The following TUFT1 variants were observed in gnomAD, a reference collection of about 807,000 sequenced individuals.
The protein encoded by TUFT1 is tuftelin 1.
In TUFT1, 43 loss-of-function variants were observed where a neutral mutation model predicts 57.8. That is an observed-to-expected ratio of 0.74 (90% CI 0.58 to 0.96). TUFT1 has a LOEUF of 0.96. Among genes scored for constraint, TUFT1 ranks in the 40% least tolerant of loss-of-function variants. The pLI, the probability that TUFT1 is intolerant of heterozygous loss-of-function variation, is 0.00. For synonymous variants in TUFT1, 166 were observed against 176.7 expected (o/e 0.94, Z 0.48); for missense variants, 459 against 489.0 (o/e 0.94, Z 0.58).
chr1:151,540,342 G>C lies in TUFT1; in HGVS notation c.-25G>C, dbSNP rs748417526. 3 of 1,614,026 alleles carry C rather than the reference G, an allele frequency of 1.9e-6. No homozygotes were observed. The highest frequency in any genetic ancestry group is 2.5e-6 in the Non-Finnish European group (3 of 1,179,940). On this transcript the variant is annotated 5_prime_UTR_variant, in exon 1 of 13. Transcript: ENST00000368849. The stretch of plus-strand genomic sequence containing the variant: ...CCAGACAGCGGGGTGGACAAGTGGC[G>C]TGTGTGCTGCGACCCCGAGGGAAGA...
rs374640855 is a variant in TUFT1, at chr1:151,581,750, C to T, written c.*43C>T. 10 of 1,605,784 alleles carry T rather than the reference C, an allele frequency of 6.2e-6. No homozygotes were observed. Among genetic ancestry groups the T allele is most frequent in the East Asian group, 2.2e-5 (1 of 44,862 alleles). On this transcript the variant is annotated 3_prime_UTR_variant, in exon 13 of 13. Transcript: ENST00000368849. ...GCTGCCATTGCTGCTGCCTCTGCCT[C>T]GGAGAAGCCCACTGCCCCTGTTGGC...
At chr1:151,565,974 C>T in intron 5 of TUFT1, 189 bp from the exon 6 acceptor site, 2 of 483,086 alleles carry the variant, frequency 4.1e-6, no homozygotes, top group Non-Finnish European at 3.8e-6. Context: ...TTCCTTCTTC[C>T]TCTTCTCCTT....
At chr1:151,567,621 C>T (rs1212286629) in intron 6 of TUFT1, among the ~76,000 whole-genome samples, 3 of 152,160 alleles carry the variant, frequency 2.0e-5, no homozygotes, top group African/African-American at 7.2e-5. Context: ...TCTTGGCTCG[C>T]TGCAACCTCC....
intron 6 of TUFT1, 119 bp downstream of exon 6, chr1:151,566,347 A>G (rs1666079611): frequency 2.5e-6 from 2 of 784,700 alleles, no homozygotes; most frequent in Non-Finnish European, 4.1e-6. Context: ...CAAGAGTAGT[A>G]GTTGACATAA....
intron 12 of TUFT1, 39 bp downstream of exon 12, chr1:151,581,081 A>T: frequency 1.3e-6 from 2 of 1,568,920 alleles, no homozygotes; most frequent in Non-Finnish European, 1.8e-6. Flanking sequence ...GCCAGGGAGG[A>T]GGGGAGAAGG....
At chr1:151,541,555 T>A (rs1665167704) in intron 1 of TUFT1, among the ~76,000 whole-genome samples, 1 of 152,218 alleles carries the variant, frequency 6.6e-6, no homozygotes, top group African/African-American at 2.4e-5. Flanking sequence ...GCCTGCCTCA[T>A]CCTGCTCTTG....
intron 6 of TUFT1, among the ~76,000 whole-genome samples, chr1:151,566,915 CTGAT>C (rs1005301055): frequency 1.3e-4 from 19 of 151,862 alleles, no homozygotes; most frequent in African/African-American, 2.4e-4. Context: ...GATTGATTGA[CTGAT>C]TGATTGATTG....
At chr1:151,543,327 ATGTGTGTGTGTGTGTG>A (rs10626781) in intron 1 of TUFT1, among the ~76,000 whole-genome samples, 2 of 146,752 alleles carry the variant, frequency 1.4e-5, no homozygotes, top group African/African-American at 2.5e-5. Context: ...TTATATATAT[ATGTGTGTGTGTGTGTG>A]TGTGTGTGTG....
intron 1 of TUFT1, among the ~76,000 whole-genome samples, chr1:151,559,371 A>C (rs987990293): frequency 6.6e-6 from 1 of 152,206 alleles, no homozygotes; most frequent in Admixed American, 6.5e-5. Context: ...GGAGGGGAAG[A>C]TGTGTTTCCC....
intron 6 of TUFT1, 59 bp downstream of exon 6, chr1:151,566,287 C>T (rs1571707799): frequency 1.4e-6 from 2 of 1,403,850 alleles, no homozygotes; most frequent in East Asian, 4.7e-5. Context: ...TTGCCTCCTC[C>T]CCATCCTTTT....
At chr1:151,541,096 TA>T (rs1276262790) in intron 1 of TUFT1, among the ~76,000 whole-genome samples, 1 of 152,164 alleles carries the variant, frequency 6.6e-6, no homozygotes, top group Non-Finnish European at 1.5e-5. Flanking sequence ...TTCCTCCCTC[TA>T]TCTGCCTGCC....
chr1:151,561,555 G>C (rs946107100), intron 1 of TUFT1: 1 of 984,850 alleles, frequency 1.0e-6, no homozygotes, highest in Non-Finnish European at 1.2e-6. Flanking sequence ...AAATTAGGTT[G>C]ATCTCTAGAT....
intron 1 of TUFT1, among the ~76,000 whole-genome samples, chr1:151,552,813 G>A (rs1218901338): frequency 2.0e-5 from 3 of 149,612 alleles, no homozygotes; most frequent in African/African-American, 4.9e-5. Flanking sequence ...AGAGGAAAAC[G>A]TCCATTATTT....
chr1:151,582,003 C>T lies in TUFT1; in HGVS notation c.*296C>T. 1 of 570,048 alleles carries T rather than the reference C, an allele frequency of 1.8e-6. No homozygotes were observed. Among genetic ancestry groups the T allele is most frequent in the South Asian group, 1.6e-5 (1 of 63,016 alleles). The allele number at this position is 570,048 out of a possible 1,614,324, so 35.3% of individuals were successfully genotyped here. A position where few individuals can be genotyped will look rare whatever the true frequency, so the allele number is the denominator to read the frequency against. ...TTTTTCTCTGTAGAGAGCCTCCCTT[C>T]TGTTGTAGACTGGACTCTGGCTGTG... On this transcript the variant is annotated 3_prime_UTR_variant, in exon 13 of 13. Coordinates refer to ENST00000368849, the MANE Select transcript of TUFT1 (RefSeq NM_020127.3).
At chr1:151,560,770 A>T (rs1665856758) in intron 1 of TUFT1, among the ~76,000 whole-genome samples, 1 of 152,006 alleles carries the variant, frequency 6.6e-6, no homozygotes, top group Non-Finnish European at 1.5e-5. Flanking sequence ...CAACTTCCTT[A>T]TTTTTCCAGT....
Position 151,561,538 on chromosome 1 carries a change from T to A in TUFT1, c.61-553T>A, listed in dbSNP as rs914647833. ...GACTTATGAAAGAAAACCTGCTTCATTCTTTGAAATTAGGTTGATCTCTAG... is the reference window on the plus strand; with the variant it reads ...GACTTATGAAAGAAAACCTGCTTCAATCTTTGAAATTAGGTTGATCTCTAG... On this transcript the variant is annotated intron_variant, in intron 1 of 12. Transcript: ENST00000368849. The A allele has an allele frequency of 2.0e-5, 20 of 982,128 alleles. No homozygotes were observed. The African/African-American group carries it at 3.5e-4, about 17-fold the overall frequency. The allele number at this position is 982,128 out of a possible 1,614,324, so 60.8% of individuals were successfully genotyped here.
chr1:151,576,667 C>T (rs1286389628), intron 9 of TUFT1, among the ~76,000 whole-genome samples: 3 of 152,212 alleles, frequency 2.0e-5, no homozygotes, highest in Non-Finnish European at 4.4e-5. Flanking sequence ...GAGTCTCACT[C>T]TGTCGCCCAG....
intron 9 of TUFT1, among the ~76,000 whole-genome samples, chr1:151,576,942 T>A (rs1666486625): frequency 1.3e-5 from 2 of 152,230 alleles, no homozygotes; most frequent in South Asian, 4.2e-4. Flanking sequence ...TTTTTTAATT[T>A]AAAAAGTTTT....
intron 7 of TUFT1, among the ~76,000 whole-genome samples, chr1:151,570,504 T>A (rs1215298211): frequency 1.3e-5 from 2 of 151,930 alleles, no homozygotes; most frequent in Non-Finnish European, 2.9e-5. Context: ...ATGGTCTCGA[T>A]CTCCTGACCT....
Sources: allele counts gnomAD v4.1 joint callset (sites outside exome capture counted in the v4.1 genomes callset), GRCh38; gene constraint gnomAD v4.1.1; transcripts MANE v1.5; gene names NCBI Gene and HGNC (gene_info 2026-07-23, HGNC 2026-07-21).